Variants in SCAPER observed in about 807,000 individuals in gnomAD.
The protein encoded by SCAPER is S phase cyclin A-associated protein in the endoplasmic reticulum.
Under a neutral mutation model 182.2 loss-of-function variants are expected in SCAPER, and 98 were observed. The ratio of observed to expected loss-of-function variants is 0.54; its 90% CI spans 0.46 to 0.64. The LOEUF is 0.64. SCAPER is among the 30% of genes least tolerant of loss of function. The pLI is 0.00. For synonymous variants in SCAPER, 605 were observed against 564.6 expected (o/e 1.07, Z -1.01); for missense variants, 1,432 against 1,690.0 (o/e 0.85, Z 2.68).
At chr15:76,776,480 C>G (rs185940145) in intron 8 of SCAPER, among the ~76,000 whole-genome samples, 2 of 152,264 alleles carry the variant, frequency 1.3e-5, no homozygotes, top group East Asian at 1.9e-4. Context: ...AGCTCTCACC[C>G]TCACCCAGTA....
At chr15:76,647,837 T>A (rs140441041) in intron 21 of SCAPER, among the ~76,000 whole-genome samples, 52 of 152,248 alleles carry the variant, frequency 3.4e-4, no homozygotes, top group African/African-American at 1.2e-3. Flanking sequence ...TGTAGAGAGT[T>A]CACAAAGGAC....
chr15:76,745,515 G>A (rs2061748946), intron 15 of SCAPER, among the ~76,000 whole-genome samples: 1 of 151,766 alleles, frequency 6.6e-6, no homozygotes, highest in South Asian at 2.1e-4. Context: ...TCATTACTAG[G>A]GTACAATATA....
chr15:76,466,798 T>C (rs973275307), intron 25 of SCAPER, among the ~76,000 whole-genome samples: 1 of 152,062 alleles, frequency 6.6e-6, no homozygotes, highest in Non-Finnish European at 1.5e-5. Context: ...GGCCAATGTA[T>C]GCAATTTCTC....
intron 4 of SCAPER, among the ~76,000 whole-genome samples, chr15:76,854,752 G>T (rs1194866475): frequency 7.0e-6 from 1 of 142,424 alleles, no homozygotes; most frequent in Non-Finnish European, 1.5e-5. Flanking sequence ...GAGGTCAGAA[G>T]ATCAAGACTG....
intron 15 of SCAPER, among the ~76,000 whole-genome samples, chr15:76,745,391 G>A (rs2061742556): frequency 6.6e-6 from 1 of 152,208 alleles, no homozygotes; most frequent in South Asian, 2.1e-4. Context: ...AGCTGTGTCA[G>A]TGAGCTGAGA....
chr15:76,708,066 C>A (rs1359821861), intron 17 of SCAPER, among the ~76,000 whole-genome samples: 3 of 149,432 alleles, frequency 2.0e-5, no homozygotes, highest in Admixed American at 1.3e-4. Flanking sequence ...TTCTAGGACA[C>A]CCCCCCACCA....
chr15:76,585,490 T>G (rs1203400647), intron 22 of SCAPER, among the ~76,000 whole-genome samples: 1 of 152,162 alleles, frequency 6.6e-6, no homozygotes, highest in Non-Finnish European at 1.5e-5. Flanking sequence ...TTTTGGCTAA[T>G]GTCTGCATAC....
rs189897755 is a variant in SCAPER at position 76,764,462 on chromosome 15, G to C, written c.1725+499C>G. Among the ~76,000 whole-genome samples, 145 of 152,340 alleles carry C rather than the reference G, an allele frequency of 9.5e-4. 2 individuals are homozygous for C. The highest frequency in any genetic ancestry group is 3.4e-3 in the African/African-American group (142 of 41,582). ...GGGCCATGGCCAGCTGTGGCCATGT[G>C]TGTGCATGGCTATTTGGCCCACTGC... is the stretch of plus-strand genomic sequence containing the variant. On this transcript the variant is annotated intron_variant, in intron 14 of 31. Transcript: ENST00000563290.
At chr15:76,440,487 C>T (rs188759814) in intron 25 of SCAPER, among the ~76,000 whole-genome samples, 3 of 152,070 alleles carry the variant, frequency 2.0e-5, no homozygotes, top group African/African-American at 4.8e-5. Flanking sequence ...TAATTCTGTA[C>T]AACTATTTTT....
chr15:76,864,736 C>G (rs1327738547), intron 2 of SCAPER, among the ~76,000 whole-genome samples: 2 of 151,878 alleles, frequency 1.3e-5, no homozygotes, highest in Admixed American at 1.3e-4. Context: ...CATAAGACCT[C>G]TGTAACAACT....
intron 10 of SCAPER, 32 bp downstream of exon 10, chr15:76,771,710 T>A: frequency 6.6e-7 from 1 of 1,523,298 alleles, no homozygotes; most frequent in Non-Finnish European, 9.1e-7. Flanking sequence ...AGAATTCTGA[T>A]AAGTTGTTCT....
intron 15 of SCAPER, among the ~76,000 whole-genome samples, chr15:76,739,052 C>CTATTGCACAG (rs2061422010): frequency 6.6e-6 from 1 of 152,112 alleles, no homozygotes; most frequent in Non-Finnish European, 1.5e-5. Context: ...AGTAGAATAA[C>CTATTGCACAG]TATTGCACAG....
At chr15:76,736,072 T>A (rs538332115) in intron 15 of SCAPER, among the ~76,000 whole-genome samples, 2 of 152,308 alleles carry the variant, frequency 1.3e-5, no homozygotes, top group Non-Finnish European at 2.9e-5. Flanking sequence ...CCCACCACAA[T>A]AAACTGAGTA....
At chr15:76,869,863 A>T (rs1273956374) in intron 2 of SCAPER, among the ~76,000 whole-genome samples, 8 of 152,234 alleles carry the variant, frequency 5.3e-5, no homozygotes, top group Non-Finnish European at 1.5e-5. Flanking sequence ...CCATCAACAG[A>T]TGAATAAAGA....
rs79477402 is a variant in SCAPER, at chr15:76,770,372, A to G, written c.1248+1370T>C. 8.1e-3 allele frequency among the ~76,000 whole-genome samples: 1,233 copies of G among 152,178 alleles called. 12 individuals are homozygous for G. The highest frequency in any genetic ancestry group is 0.028 in the African/African-American group (1,169 of 41,506). The stretch of plus-strand genomic sequence containing the variant: ...GTATAATTTTAAAAAAAAAAGAAAG[A>G]AAAGAAAAAACAGTTGTCTCATCAC... On this transcript the variant is annotated intron_variant, in intron 10 of 31. Coordinates refer to ENST00000563290, the MANE Select transcript of SCAPER (RefSeq NM_020843.4).
At chr15:76,619,620 G>A (rs1567618294) in intron 22 of SCAPER, among the ~76,000 whole-genome samples, 1 of 151,470 alleles carries the variant, frequency 6.6e-6, no homozygotes. Flanking sequence ...TTAAGTTTTA[G>A]GGTACATGTG....
chr15:76,589,202 A>G (rs2048921228), intron 22 of SCAPER, among the ~76,000 whole-genome samples: 1 of 152,118 alleles, frequency 6.6e-6, no homozygotes, highest in Non-Finnish European at 1.5e-5. Flanking sequence ...GTCTCCTGCC[A>G]GGAGGTGGCA....
At chr15:76,480,903 T>C (rs2051070468) in intron 24 of SCAPER, among the ~76,000 whole-genome samples, 1 of 152,090 alleles carries the variant, frequency 6.6e-6, no homozygotes, top group South Asian at 2.1e-4. Context: ...GCTAATTTTT[T>C]TGTATTTTTA....
intron 21 of SCAPER, among the ~76,000 whole-genome samples, chr15:76,646,377 G>A (rs1481871096): frequency 6.6e-6 from 1 of 152,046 alleles, no homozygotes; most frequent in Non-Finnish European, 1.5e-5. Context: ...GATTACCACT[G>A]GACACTGAAG....
Sources: allele counts gnomAD v4.1 joint callset (sites outside exome capture counted in the v4.1 genomes callset), GRCh38; gene constraint gnomAD v4.1.1; transcripts MANE v1.5; gene names NCBI Gene and HGNC (gene_info 2026-07-23, HGNC 2026-07-21).